The following TMEM207 variants were observed in gnomAD, a reference collection of about 807,000 sequenced individuals.
TMEM207 encodes transmembrane protein 207.
TMEM207 carries 15 observed loss-of-function variants against 17.4 expected under a neutral mutation model. The ratio of observed to expected loss-of-function variants is 0.86; its 90% CI spans 0.58 to 1.33. The LOEUF is 1.33. Among genes scored for constraint, TMEM207 ranks in the 40% most tolerant of loss-of-function variants. The pLI, the probability that TMEM207 is intolerant of heterozygous loss-of-function variation, is 0.00. For missense variants in TMEM207, 205 were observed against 173.8 expected (o/e 1.18, Z -1.01); for synonymous variants, 70 against 65.6 (o/e 1.07, Z -0.33).
At chr3:190,440,452 A>T in intron 3 of TMEM207, 63 bp from the exon 4 acceptor site, 4 of 1,469,334 alleles carry the variant, frequency 2.7e-6, no homozygotes, top group Non-Finnish European at 3.7e-6. Context: ...AAGAGCTTCC[A>T]TCACTACCTA....
chr3:190,434,775 C>T (rs565815079), intron 4 of TMEM207, among the ~76,000 whole-genome samples: 7 of 152,246 alleles, frequency 4.6e-5, no homozygotes, highest in East Asian at 3.9e-4. Flanking sequence ...ATTGAGCGGA[C>T]GCTCTCTGGG....
intron 1 of TMEM207, among the ~76,000 whole-genome samples, chr3:190,449,532 A>T (rs1720115971): frequency 6.6e-6 from 1 of 152,228 alleles, no homozygotes; most frequent in South Asian, 2.1e-4. Context: ...ATTGAAGGAG[A>T]AATAAGACTA....
intron 4 of TMEM207, among the ~76,000 whole-genome samples, chr3:190,430,782 A>C (rs1243219452): frequency 2.0e-5 from 3 of 152,102 alleles, no homozygotes; most frequent in African/African-American, 7.2e-5. Context: ...AGTAGTCCCC[A>C]CCTAGACCAT....
Position 190,429,673 on chromosome 3 carries a change from GTC to G in TMEM207, c.361_362del (p.Asp121ProfsTer19). ...AACATGGAGCAGGAACAGGATATAG[GTC>G]AGGGGTTTGAGTTTGAAGGTGAATT... ...VGIHLQTQTPDLYPVPAPCFG... is the reference protein window; with the variant it reads ...VGIHLQTQTPXLYPVPAPCFG... On this transcript the variant is annotated frameshift_variant, in exon 5 of 5. Transcript: ENST00000354905. LOFTEE classifies it low-confidence loss of function (END_TRUNC). The G allele has an allele frequency of 1.1e-5, 17 of 1,613,092 alleles. No homozygotes were observed. Among genetic ancestry groups the G allele is most frequent in the Non-Finnish European group, 1.4e-5 (17 of 1,179,552 alleles).
intron 1 of TMEM207, among the ~76,000 whole-genome samples, chr3:190,448,689 A>C (rs1720101166): frequency 6.6e-6 from 1 of 152,170 alleles, no homozygotes. Context: ...ATAACACGCA[A>C]ATAAAAGTAC....
At position 190,449,765 on chromosome 3, in the gene TMEM207, C is replaced by G. The variant is rs370666341; in HGVS notation, c.45G>C (p.Thr15=). Reference sequence around the variant, plus strand: ...ATAGCGGCAAACACAAGATCCCTATCGTTGAGATCGCTGAGGTGACACTGA... The same window carrying G: ...ATAGCGGCAAACACAAGATCCCTATGGTTGAGATCGCTGAGGTGACACTGA... ...RLFSVTSAIS[T]IGILCLPLFQ... Residue 15 remains threonine (T), a synonymous_variant, in exon 1 of 5, where the codon ACG becomes ACC. Coordinates refer to ENST00000354905, the MANE Select transcript of TMEM207 (RefSeq NM_207316.3). 12 of 1,613,712 alleles carry G rather than the reference C, an allele frequency of 7.4e-6. No homozygotes were observed. The Admixed American group carries it at 1.5e-4, about 20-fold the overall frequency.
At chr3:190,433,126 G>A (rs1457017973) in intron 4 of TMEM207, among the ~76,000 whole-genome samples, 2 of 152,112 alleles carry the variant, frequency 1.3e-5, no homozygotes, top group Non-Finnish European at 2.9e-5. Context: ...CCTCTCCTAT[G>A]CTCTCAAATT....
rs564018155 is a variant in TMEM207, at chr3:190,449,268, C to T, written c.75+467G>A. ...GAAGTCACACAGATCTAGAGATGCA[C>T]GTGTTAGTCAGAAGGGGATGCTGGA... On this transcript the variant is annotated intron_variant, in intron 1 of 4. Transcript: ENST00000354905. Among the ~76,000 whole-genome samples, 27 of 152,178 alleles carry T rather than the reference C, an allele frequency of 1.8e-4. No homozygotes were observed. In the East Asian group the frequency reaches 2.7e-3, roughly 15 times the overall value.
chr3:190,435,207 C>G (rs9819687), intron 4 of TMEM207, among the ~76,000 whole-genome samples: 32,057 of 152,098 alleles, frequency 0.21, 3,593 homozygotes, highest in Middle Eastern at 0.32. Flanking sequence ...ATTGTGGAGT[C>G]TAGACATCCA....
rs762021700 is a variant in TMEM207, at chr3:190,429,669, A to G, written c.367T>C (p.Tyr123His). Residue 123 changes from tyrosine (Y) to histidine (H), a missense_variant, in exon 5 of 5, where the codon TAT becomes CAT. Coordinates refer to ENST00000354905, the MANE Select transcript of TMEM207 (RefSeq NM_207316.3). ...IHLQTQTPDLYPVPAPCFGPL... is the reference protein window; with the variant it reads ...IHLQTQTPDLHPVPAPCFGPL... The stretch of plus-strand genomic sequence containing the variant: ...CCAAAACATGGAGCAGGAACAGGAT[A>G]TAGGTCAGGGGTTTGAGTTTGAAGG... The G allele has an allele frequency of 6.2e-7, 1 of 1,613,520 alleles. No homozygotes were observed. Among genetic ancestry groups the G allele is most frequent in the Non-Finnish European group, 8.5e-7 (1 of 1,179,652 alleles).
At position 190,429,138 on chromosome 3, in the gene TMEM207, A is replaced by T. The variant is rs781262977; in HGVS notation, c.*457T>A. On this transcript the variant is annotated 3_prime_UTR_variant, in exon 5 of 5. Coordinates refer to ENST00000354905, the MANE Select transcript of TMEM207 (RefSeq NM_207316.3). ...TTTCCTACTCTCTCCCCTCACCTTCATTCAAATACTATCTTTCTGGTTCTG... is the reference window on the plus strand; with the variant it reads ...TTTCCTACTCTCTCCCCTCACCTTCTTTCAAATACTATCTTTCTGGTTCTG... The T allele has an allele frequency of 6.5e-6, 1 of 152,786 alleles. No homozygotes were observed. The highest frequency in any genetic ancestry group is 6.5e-5 in the Admixed American group (1 of 15,326). The allele number at this position is 152,786 out of a possible 1,614,324, so 9.5% of individuals were successfully genotyped here.
intron 4 of TMEM207, among the ~76,000 whole-genome samples, chr3:190,435,964 T>C (rs1185956040): frequency 1.3e-5 from 2 of 152,228 alleles, no homozygotes; most frequent in Non-Finnish European, 2.9e-5. Context: ...CATGTAATAG[T>C]ATCAGTAGTT....
rs200187146 is a variant in TMEM207, at chr3:190,429,722, G to T, written c.314C>A (p.Ala105Glu). 4.4e-6 allele frequency: 7 copies of T among 1,604,446 alleles called. No individual in the cohort carries two copies. The South Asian group carries it at 5.6e-5, about 13-fold the overall frequency. ...AATTCCAACAGTTGGACTCACAGCTGCTTCTGTCCCTGGAAAGAGAAAGAT... is the reference window on the plus strand; with the variant it reads ...AATTCCAACAGTTGGACTCACAGCTTCTTCTGTCCCTGGAAAGAGAAAGAT... Reference protein sequence around the residue: ...GDLDSIYGTEAAVSPTVGIHL... With the variant: ...GDLDSIYGTEEAVSPTVGIHL... Residue 105 changes from alanine (A) to glutamate (E), a missense_variant, in exon 5 of 5, where the codon GCA (alanine) becomes GAA (glutamate). By Grantham distance (107) the Ala-to-Glu change is moderately radical. Coordinates refer to ENST00000354905, the MANE Select transcript of TMEM207 (RefSeq NM_207316.3).
chr3:190,449,667 G>T, intron 1 of TMEM207, 68 bp downstream of exon 1: 1 of 1,434,302 alleles, frequency 7.0e-7, no homozygotes, highest in Non-Finnish European at 9.8e-7. Context: ...TAAATCTATA[G>T]CAAATCAAGT....
At chr3:190,434,917 AAAG>A (rs1418222609) in intron 4 of TMEM207, among the ~76,000 whole-genome samples, 1 of 152,196 alleles carries the variant, frequency 6.6e-6, no homozygotes, top group Non-Finnish European at 1.5e-5. Context: ...CTGAAGAAAA[AAAG>A]AAGAATTTAG....
At chr3:190,442,406 A>G (rs1719954442) in intron 2 of TMEM207, among the ~76,000 whole-genome samples, 1 of 152,232 alleles carries the variant, frequency 6.6e-6, no homozygotes, top group Non-Finnish European at 1.5e-5. Context: ...CATAAATGTC[A>G]GTTAATTTAT....
chr3:190,433,256 T>C (rs1045175714), intron 4 of TMEM207, among the ~76,000 whole-genome samples: 2 of 152,194 alleles, frequency 1.3e-5, no homozygotes, highest in African/African-American at 4.8e-5. Flanking sequence ...CTCATTAAGA[T>C]GGGCTTTTAT....
chr3:190,439,141 C>T (rs939404821), intron 4 of TMEM207, among the ~76,000 whole-genome samples: 2 of 114,024 alleles, frequency 1.8e-5, no homozygotes, highest in East Asian at 2.8e-4. Context: ...CGCGCCACGG[C>T]ACTCCCGCCT....
At chr3:190,438,361 C>T (rs193276645) in intron 4 of TMEM207, among the ~76,000 whole-genome samples, 96 of 151,440 alleles carry the variant, frequency 6.3e-4, no homozygotes, top group Admixed American at 1.5e-3. Context: ...GTCTATTGCC[C>T]GTCACTCAGT....
Sources: allele counts gnomAD v4.1 joint callset (sites outside exome capture counted in the v4.1 genomes callset), GRCh38; gene constraint gnomAD v4.1.1; transcripts MANE v1.5; gene names NCBI Gene and HGNC (gene_info 2026-07-23, HGNC 2026-07-21).